ATRNL1: variants seen among roughly 807,000 people sequenced by gnomAD.
The protein encoded by ATRNL1 is attractin like 1.
ATRNL1 carries 95 observed loss-of-function variants against 182.7 expected under a neutral mutation model. The ratio of observed to expected loss-of-function variants is 0.52; its 90% CI spans 0.44 to 0.62. The LOEUF is 0.62. ATRNL1 is among the 20% of genes least tolerant of loss of function. ATRNL1 has a pLI of 0.00. For missense variants in ATRNL1, 1,471 were observed against 1,679.5 expected, an observed-to-expected ratio of 0.88 and a Z score of 2.17; for synonymous variants, 576 against 568.3, an observed-to-expected ratio of 1.01 and a Z score of -0.19.
chr10:115,680,834 C>T (rs1344626267), intron 26 of ATRNL1, among the ~76,000 whole-genome samples: 1 of 152,026 alleles, frequency 6.6e-6, no homozygotes, highest in African/African-American at 2.4e-5. Context: ...TGAAGTGTAT[C>T]CTTGAGCTTT....
chr10:115,417,849 G>T (rs1201971278), intron 20 of ATRNL1, among the ~76,000 whole-genome samples: 1 of 152,136 alleles, frequency 6.6e-6, no homozygotes, highest in African/African-American at 2.4e-5. Context: ...GGCTTAGACT[G>T]CCCTCTAGTG....
chr10:115,367,503 C>T (rs1337073256), intron 19 of ATRNL1, among the ~76,000 whole-genome samples: 3 of 151,494 alleles, frequency 2.0e-5, no homozygotes, highest in African/African-American at 7.3e-5. Flanking sequence ...TCATCTGAAG[C>T]CTTCTTCTCT....
intron 28 of ATRNL1, among the ~76,000 whole-genome samples, chr10:115,925,682 C>T (rs910361252): frequency 2.7e-4 from 41 of 151,996 alleles, no homozygotes; most frequent in South Asian, 2.1e-4. Flanking sequence ...CATTACATAA[C>T]GGTAGAGGGA....
intron 9 of ATRNL1, among the ~76,000 whole-genome samples, chr10:115,218,657 G>A (rs1554896740): frequency 1.3e-5 from 2 of 152,186 alleles, no homozygotes; most frequent in African/African-American, 4.8e-5. Flanking sequence ...TCAGAAATTC[G>A]AGAGTTTACT....
At chr10:115,781,242 A>C (rs1949257813) in intron 27 of ATRNL1, among the ~76,000 whole-genome samples, 1 of 152,250 alleles carries the variant, frequency 6.6e-6, no homozygotes. Flanking sequence ...TAAATCTCAC[A>C]CATTACTTTC....
chr10:115,276,989 T>C (rs1198938078), intron 13 of ATRNL1, among the ~76,000 whole-genome samples: 1 of 152,118 alleles, frequency 6.6e-6, no homozygotes, highest in Non-Finnish European at 1.5e-5. Context: ...ATTCTTTTTC[T>C]TATTCCAACA....
At position 115,738,125 on chromosome 10, in the gene ATRNL1, G is replaced by GTTTTTTT. The variant is rs1565334914; in HGVS notation, c.3903+10770_3903+10771insTTTTTTT. Among the ~76,000 whole-genome samples, 14 of 53,192 alleles carry GTTTTTTT rather than the reference G, an allele frequency of 2.6e-4. 1 individual carries two copies. The highest frequency in any genetic ancestry group is 4.2e-4 in the Non-Finnish European group (11 of 26,280). The allele number at this position is 53,192 out of a possible 152,430, so 34.9% of individuals were successfully genotyped here. ...CATAAAAAATGATTTAGAAGATAAT[G>GTTTTTTT]ATTTTTTTTTTTTTTTTTTTTTTTT... On this transcript the variant is annotated intron_variant, in intron 27 of 28. Transcript: ENST00000355044.
At chr10:115,714,357 G>T (rs2134025777) in intron 26 of ATRNL1, among the ~76,000 whole-genome samples, 1 of 151,752 alleles carries the variant, frequency 6.6e-6, no homozygotes, top group Non-Finnish European at 1.5e-5. Context: ...CAAAGTGAGA[G>T]AATTTCCTGT....
At chr10:115,151,632 G>A (rs1410837539) in intron 5 of ATRNL1, among the ~76,000 whole-genome samples, 1 of 152,152 alleles carries the variant, frequency 6.6e-6, no homozygotes, top group Non-Finnish European at 1.5e-5. Flanking sequence ...TTTGCCAGAT[G>A]AGTACATTGC....
intron 3 of ATRNL1, among the ~76,000 whole-genome samples, chr10:115,125,597 C>T (rs1378841888): frequency 6.6e-6 from 1 of 150,938 alleles, no homozygotes; most frequent in Non-Finnish European, 1.5e-5. Context: ...AGATTATATT[C>T]TTGCAGAGAC....
chr10:115,467,757 A>G (rs1349343088), intron 23 of ATRNL1, among the ~76,000 whole-genome samples: 1 of 150,726 alleles, frequency 6.6e-6, no homozygotes, highest in Non-Finnish European at 1.5e-5. Flanking sequence ...TATGTCTTTC[A>G]TAATAAGGTT....
intron 20 of ATRNL1, among the ~76,000 whole-genome samples, chr10:115,423,194 A>G (rs1845723402): frequency 6.6e-6 from 1 of 152,138 alleles, no homozygotes; most frequent in Non-Finnish European, 1.5e-5. Flanking sequence ...CAAAATATCT[A>G]TGTACCCCAT....
intron 27 of ATRNL1, among the ~76,000 whole-genome samples, chr10:115,765,844 A>G (rs1371543303): frequency 1.3e-5 from 2 of 152,176 alleles, no homozygotes; most frequent in East Asian, 1.9e-4. Context: ...TAATGGCTGT[A>G]TAGTGTTCCA....
At chr10:115,308,635 A>G (rs1286783767) in intron 17 of ATRNL1, among the ~76,000 whole-genome samples, 1 of 152,168 alleles carries the variant, frequency 6.6e-6, no homozygotes, top group Admixed American at 6.5e-5. Flanking sequence ...ATAAATAAAC[A>G]GGATTGCTCC....
At chr10:115,831,332 A>G (rs1410668712) in intron 27 of ATRNL1, among the ~76,000 whole-genome samples, 3 of 152,114 alleles carry the variant, frequency 2.0e-5, no homozygotes, top group Non-Finnish European at 4.4e-5. Context: ...TACATCTTTC[A>G]TATTTGCAAG....
intron 27 of ATRNL1, among the ~76,000 whole-genome samples, chr10:115,752,419 G>T (rs897272818): frequency 2.6e-5 from 4 of 151,994 alleles, no homozygotes; most frequent in African/African-American, 7.2e-5. Context: ...AGGCAGTAGG[G>T]TTCAGTGATT....
At chr10:115,218,742 C>G (rs1198270328) in intron 9 of ATRNL1, among the ~76,000 whole-genome samples, 1 of 152,180 alleles carries the variant, frequency 6.6e-6, no homozygotes, top group Admixed American at 6.5e-5. Context: ...TTGTTATTCT[C>G]TCCTGAAGTG....
chr10:115,215,975 A>G (rs1554896174), intron 9 of ATRNL1, 95 bp downstream of exon 9: 2 of 933,126 alleles, frequency 2.1e-6, no homozygotes, highest in African/African-American at 1.7e-5. Flanking sequence ...CTTACTTTAT[A>G]TGCATTCATT....
intron 18 of ATRNL1, 54 bp downstream of exon 18, chr10:115,315,790 G>T: frequency 6.9e-7 from 1 of 1,444,302 alleles, no homozygotes; most frequent in South Asian, 1.3e-5. Context: ...GATCCAAGAA[G>T]GAGTTTTTGT....
Sources: allele counts gnomAD v4.1 joint callset (sites outside exome capture counted in the v4.1 genomes callset), GRCh38; gene constraint gnomAD v4.1.1; transcripts MANE v1.5; gene names NCBI Gene and HGNC (gene_info 2026-07-23, HGNC 2026-07-21).